The following ZNF704 variants were observed in gnomAD, a reference collection of about 807,000 sequenced individuals.
ZNF704 encodes the protein glucocorticoid induced gene 1.
In ZNF704, 10 loss-of-function variants were observed where a neutral mutation model predicts 44.7. The observed-to-expected ratio is 0.22, with a 90% confidence interval of 0.14 to 0.38. ZNF704 has a LOEUF of 0.38. Ranked by LOEUF, ZNF704 falls within the 10% of genes least tolerant of loss-of-function variation. The pLI is 1.00. For missense variants in ZNF704, 390 were observed against 545.5 expected (o/e 0.71, Z 2.84); for synonymous variants, 211 against 207.6 (o/e 1.02, Z -0.14).
chr8:80,761,951 C>T (rs1807138964), intron 2 of ZNF704, among the ~76,000 whole-genome samples: 1 of 152,172 alleles, frequency 6.6e-6, no homozygotes, highest in Admixed American at 6.5e-5. Context: ...TATGCAGTTG[C>T]CCAAAGAACC....
intron 2 of ZNF704, among the ~76,000 whole-genome samples, chr8:80,770,880 A>C (rs1003042634): frequency 6.6e-6 from 1 of 152,172 alleles, no homozygotes; most frequent in African/African-American, 2.4e-5. Flanking sequence ...ATAAGGTATG[A>C]GACTTAGATC....
intron 4 of ZNF704, among the ~76,000 whole-genome samples, chr8:80,680,253 C>T (rs527983316): frequency 2.0e-4 from 30 of 152,104 alleles, no homozygotes; most frequent in African/African-American, 7.0e-4. Context: ...ATGCATATGA[C>T]GTGTAAGTCC....
chr8:80,834,734 C>A (rs1030947052), intron 1 of ZNF704, among the ~76,000 whole-genome samples: 3 of 152,128 alleles, frequency 2.0e-5, no homozygotes, highest in African/African-American at 7.2e-5. Flanking sequence ...CTCCCTGTGT[C>A]CATGTGTTCT....
chr8:80,658,789 G>A (rs1466722772), intron 7 of ZNF704: 1 of 152,180 alleles, frequency 6.6e-6, no homozygotes, highest in East Asian at 1.9e-4. Context: ...GGAAACCTCC[G>A]GGAGATGCCA....
At chr8:80,644,199 G>T (rs1267314008) in intron 7 of ZNF704, among the ~76,000 whole-genome samples, 1 of 152,128 alleles carries the variant, frequency 6.6e-6, no homozygotes, top group African/African-American at 2.4e-5. Flanking sequence ...ACTTGCCAAA[G>T]GTCATGGCAT....
intron 2 of ZNF704, among the ~76,000 whole-genome samples, chr8:80,758,771 T>G (rs1424542145): frequency 1.3e-5 from 2 of 152,216 alleles, no homozygotes; most frequent in African/African-American, 4.8e-5. Flanking sequence ...CAGGTGCATT[T>G]TATAATCAAT....
chr8:80,663,750 A>T (rs1818139507), intron 6 of ZNF704, among the ~76,000 whole-genome samples: 1 of 152,002 alleles, frequency 6.6e-6, no homozygotes, highest in African/African-American at 2.4e-5. Flanking sequence ...TTTTTGAGAC[A>T]GGGTCTTACT....
intron 2 of ZNF704, among the ~76,000 whole-genome samples, chr8:80,729,788 G>C (rs1806545677): frequency 6.6e-6 from 1 of 152,176 alleles, no homozygotes; most frequent in African/African-American, 2.4e-5. Flanking sequence ...TCCAGTTGGA[G>C]ACAGAATCTA....
chr8:80,878,596 G>C (rs1436121029), upstream of ZNF704, among the ~76,000 whole-genome samples: 1 of 152,138 alleles, frequency 6.6e-6, no homozygotes, highest in Non-Finnish European at 1.5e-5. Flanking sequence ...CCACAGTTCT[G>C]GGAAACTTAA....
chr8:80,817,599 G>A (rs780047961), intron 2 of ZNF704, among the ~76,000 whole-genome samples: 19 of 152,140 alleles, frequency 1.2e-4, no homozygotes, highest in Non-Finnish European at 2.1e-4. Flanking sequence ...CTTCTCCAAT[G>A]ACCCAGCCTA....
chr8:80,684,688 T>A (rs981588029), intron 4 of ZNF704, among the ~76,000 whole-genome samples: 1 of 152,196 alleles, frequency 6.6e-6, no homozygotes, highest in African/African-American at 2.4e-5. Flanking sequence ...CTGTGTTCTG[T>A]CACATCACGA....
At chr8:80,721,398 C>T (rs1819164764) in intron 2 of ZNF704, among the ~76,000 whole-genome samples, 1 of 152,076 alleles carries the variant, frequency 6.6e-6, no homozygotes, top group African/African-American at 2.4e-5. Context: ...TGAGTGGCAG[C>T]TGGGTAGGAG....
upstream of ZNF704, among the ~76,000 whole-genome samples, chr8:80,878,313 A>AAGGAAGG (rs1563587129): frequency 1.4e-5 from 2 of 143,896 alleles, no homozygotes; most frequent in South Asian, 2.2e-4. Context: ...AGGAAGGAAG[A>AAGGAAGG]AAATCAGGCT....
At chr8:80,733,190 CCA>C (rs1168335879) in intron 2 of ZNF704, among the ~76,000 whole-genome samples, 3 of 151,936 alleles carry the variant, frequency 2.0e-5, no homozygotes, top group Admixed American at 6.6e-5. Context: ...TCTAAAATTC[CCA>C]GTCTTTTTTA....
chr8:80,697,035 T>C (rs1818737537), intron 2 of ZNF704, among the ~76,000 whole-genome samples: 1 of 152,228 alleles, frequency 6.6e-6, no homozygotes, highest in Admixed American at 6.5e-5. Flanking sequence ...GTTGTCACTC[T>C]ATACATGATT....
Position 80,629,819 on chromosome 8 carries a change from A to G in ZNF704, c.*11547T>C, listed in dbSNP as rs1372520817. 2.6e-5 allele frequency: 4 copies of G among 152,248 alleles called. No homozygotes were observed. Among genetic ancestry groups the G allele is most frequent in the Non-Finnish European group, 5.9e-5 (4 of 68,042 alleles). The allele number at this position is 152,248 out of a possible 1,614,324, so 9.4% of individuals were successfully genotyped here. On this transcript the variant is annotated 3_prime_UTR_variant, in exon 9 of 9. Coordinates refer to ENST00000327835, the MANE Select transcript of ZNF704 (RefSeq NM_001033723.3). Reference sequence around the variant, plus strand: ...ATAAAACCTATGCTAACTTTATCCAATGAAATATTCGTTCACTTCATGCAG... The same window carrying G: ...ATAAAACCTATGCTAACTTTATCCAGTGAAATATTCGTTCACTTCATGCAG...
rs545866986 is a variant in ZNF704, at chr8:80,803,138, G to A, written c.221+18236C>T. 2.6e-5 allele frequency among the ~76,000 whole-genome samples: 4 copies of A among 152,272 alleles called. No homozygotes were observed. The East Asian group carries it at 7.7e-4, about 29-fold the overall frequency. Reference sequence around the variant, plus strand: ...CCTAGGAATACAGCTAACAAGGGAAGTGAGAACTCTTCAAGGAGAAATACA... The same window carrying A: ...CCTAGGAATACAGCTAACAAGGGAAATGAGAACTCTTCAAGGAGAAATACA... On this transcript the variant is annotated intron_variant, in intron 2 of 8. Coordinates refer to ENST00000327835, the MANE Select transcript of ZNF704 (RefSeq NM_001033723.3).
At chr8:80,691,712 A>T (rs1465670356) in intron 3 of ZNF704, among the ~76,000 whole-genome samples, 5 of 152,214 alleles carry the variant, frequency 3.3e-5, no homozygotes, top group African/African-American at 9.6e-5. Context: ...CTCTCCCAAG[A>T]TGTGCCCAAA....
chr8:80,643,709 T>A (rs1016011282), intron 7 of ZNF704, among the ~76,000 whole-genome samples: 3 of 152,236 alleles, frequency 2.0e-5, no homozygotes, highest in Non-Finnish European at 4.4e-5. Context: ...AAGTGGCTCA[T>A]AATACCATAT....
Sources: gnomAD v4.1 joint callset for allele counts (sites outside exome capture counted in the v4.1 genomes callset) on GRCh38, gnomAD v4.1.1 for gene constraint, MANE v1.5 for transcripts, NCBI Gene and HGNC (gene_info 2026-07-23, HGNC 2026-07-21) for gene names.